ARHGEF38: variants seen among roughly 807,000 people sequenced by gnomAD.
ARHGEF38 encodes Rho guanine nucleotide exchange factor (GEF) 38.
ARHGEF38 carries 79 observed loss-of-function variants against 79.9 expected under a neutral mutation model. That is an observed-to-expected ratio of 0.99 (90% CI 0.82 to 1.19). ARHGEF38 has a LOEUF of 1.19. Among genes scored for constraint, ARHGEF38 ranks in the 50% most tolerant of loss-of-function variants. The pLI is 0.00. For synonymous variants in ARHGEF38, 366 were observed against 328.3 expected, an observed-to-expected ratio of 1.11 and a Z score of -1.24; for missense variants, 962 against 907.2, an observed-to-expected ratio of 1.06 and a Z score of -0.78.
chr4:105,623,330 G>A (rs1000204945), intron 3 of ARHGEF38, among the ~76,000 whole-genome samples: 2 of 152,178 alleles, frequency 1.3e-5, no homozygotes, highest in African/African-American at 2.4e-5. Flanking sequence ...ATTGTCAAAT[G>A]TCACTTTCAA....
intron 3 of ARHGEF38, among the ~76,000 whole-genome samples, chr4:105,622,505 T>G (rs1189113878): frequency 1.3e-5 from 2 of 152,172 alleles, no homozygotes; most frequent in African/African-American, 4.8e-5. Context: ...ATCACTAGTT[T>G]GATGGCTGTG....
Position 105,645,292 on chromosome 4 carries a change from CCT to C in ARHGEF38, c.783_784del (p.His262ProfsTer17), listed in dbSNP as rs1209801945. 2 of 1,536,588 alleles carry C rather than the reference CCT, an allele frequency of 1.3e-6. No homozygotes were observed. The highest frequency in any genetic ancestry group is 1.7e-6 in the Non-Finnish European group (2 of 1,146,982). On this transcript the variant is annotated frameshift_variant, in exon 6 of 14. Coordinates refer to ENST00000420470, the MANE Select transcript of ARHGEF38 (RefSeq NM_001242729.2). LOFTEE classifies it high-confidence loss of function. ...TGCGAACTTCGGAATTCCACCCCTCCCTCTCACCCAGATTACAGAGCACTGGA... is the reference window on the plus strand; with the variant it reads ...TGCGAACTTCGGAATTCCACCCCTCCCTCACCCAGATTACAGAGCACTGGA...
At chr4:105,566,371 AC>A (rs1725887707) in intron 1 of ARHGEF38, among the ~76,000 whole-genome samples, 1 of 152,194 alleles carries the variant, frequency 6.6e-6, no homozygotes, top group Non-Finnish European at 1.5e-5. Flanking sequence ...TGCATGGGTC[AC>A]AGGTTATCAT....
At chr4:105,669,067 T>A (rs904512195) in intron 13 of ARHGEF38, among the ~76,000 whole-genome samples, 2 of 151,978 alleles carry the variant, frequency 1.3e-5, no homozygotes, top group African/African-American at 4.8e-5. Flanking sequence ...ATAATAATAA[T>A]AAAAGTAATG....
At chr4:105,618,413 G>A (rs529118085) in intron 3 of ARHGEF38, among the ~76,000 whole-genome samples, 37 of 152,234 alleles carry the variant, frequency 2.4e-4, no homozygotes, top group Admixed American at 5.9e-4. Context: ...TGATGTGGGC[G>A]GATCACGAGA....
At chr4:105,602,149 G>A (rs555799793) in intron 2 of ARHGEF38, among the ~76,000 whole-genome samples, 1 of 152,286 alleles carries the variant, frequency 6.6e-6, no homozygotes, top group Non-Finnish European at 1.5e-5. Context: ...AGGGTCAGGA[G>A]AGCAGCCCAG....
chr4:105,672,660 C>T (rs886820226), intron 13 of ARHGEF38, among the ~76,000 whole-genome samples: 5 of 152,160 alleles, frequency 3.3e-5, no homozygotes, highest in African/African-American at 4.8e-5. Flanking sequence ...TTCTCAGGGG[C>T]TGTTGTCAGG....
intron 5 of ARHGEF38, among the ~76,000 whole-genome samples, chr4:105,640,586 C>A (rs1729578978): frequency 6.6e-6 from 1 of 152,136 alleles, no homozygotes; most frequent in African/African-American, 2.4e-5. Context: ...CCTGGAGATT[C>A]TCTTTGCTTC....
intron 5 of ARHGEF38, 136 bp from the exon 6 acceptor site, chr4:105,645,052 T>C: frequency 1.3e-6 from 1 of 774,718 alleles, no homozygotes; most frequent in Non-Finnish European, 1.9e-6. Context: ...TTGCTCTTGC[T>C]TTTATTTAGA....
intron 10 of ARHGEF38, among the ~76,000 whole-genome samples, chr4:105,662,783 A>G (rs1730610510): frequency 6.6e-6 from 1 of 152,198 alleles, no homozygotes; most frequent in Admixed American, 6.5e-5. Flanking sequence ...GCAGGAATTT[A>G]CTAGTCAGAA....
intron 10 of ARHGEF38, among the ~76,000 whole-genome samples, chr4:105,665,168 T>A (rs1356828461): frequency 6.6e-6 from 1 of 151,846 alleles, no homozygotes; most frequent in Non-Finnish European, 1.5e-5. Context: ...GGGCTAATTT[T>A]ATTTATTAAT....
chr4:105,649,368 G>A (rs1303683461), intron 7 of ARHGEF38, among the ~76,000 whole-genome samples: 1 of 152,128 alleles, frequency 6.6e-6, no homozygotes, highest in East Asian at 1.9e-4. Context: ...ACAGATTCTA[G>A]GGTTCCACTT....
intron 2 of ARHGEF38, among the ~76,000 whole-genome samples, chr4:105,611,343 T>C (rs7698817): frequency 0.13 from 20,492 of 152,058 alleles, 1,539 homozygotes; most frequent in Middle Eastern, 0.21. Flanking sequence ...CTAAACCAAT[T>C]TATAAAACTT....
chr4:105,663,955 A>T (rs1730655298), intron 10 of ARHGEF38, among the ~76,000 whole-genome samples: 1 of 148,894 alleles, frequency 6.7e-6, no homozygotes, highest in African/African-American at 2.5e-5. Context: ...GGGTAACAAG[A>T]GTGAAACTCC....
intron 1 of ARHGEF38, among the ~76,000 whole-genome samples, chr4:105,554,996 CA>C (rs1162900662): frequency 1.3e-5 from 2 of 152,028 alleles, no homozygotes; most frequent in African/African-American, 2.4e-5. Context: ...TCTCCATTAG[CA>C]AAATAAAAAC....
intron 2 of ARHGEF38, among the ~76,000 whole-genome samples, chr4:105,612,217 C>G (rs748556926): frequency 1.3e-5 from 2 of 152,100 alleles, no homozygotes; most frequent in Non-Finnish European, 1.5e-5. Flanking sequence ...GAAACTGAGT[C>G]TGAAATAATG....
intron 13 of ARHGEF38, among the ~76,000 whole-genome samples, chr4:105,676,808 T>C (rs1731139015): frequency 6.6e-6 from 1 of 152,086 alleles, no homozygotes; most frequent in Non-Finnish European, 1.5e-5. Flanking sequence ...GAAGTAAAAA[T>C]GAAAATCAGC....
At chr4:105,554,932 C>T (rs1416427723) in intron 1 of ARHGEF38, among the ~76,000 whole-genome samples, 2 of 148,074 alleles carry the variant, frequency 1.4e-5, no homozygotes, top group Non-Finnish European at 3.0e-5. Flanking sequence ...ATTGCTTTAT[C>T]CCTAATGACA....
chr4:105,681,584 T>C (rs748849052), downstream of ARHGEF38, among the ~76,000 whole-genome samples: 4 of 152,180 alleles, frequency 2.6e-5, no homozygotes, highest in Non-Finnish European at 5.9e-5. Flanking sequence ...GTACAACAAT[T>C]GCTGGTTAAT....
Sources: allele counts gnomAD v4.1 joint callset (sites outside exome capture counted in the v4.1 genomes callset), GRCh38; gene constraint gnomAD v4.1.1; transcripts MANE v1.5; gene names NCBI Gene and HGNC (gene_info 2026-07-23, HGNC 2026-07-21).